CHRD: variants seen among roughly 807,000 people sequenced by gnomAD.
CHRD encodes the protein chordin.
CHRD carries 69 observed loss-of-function variants against 113.7 expected under a neutral mutation model. The ratio of observed to expected loss-of-function variants is 0.61; its 90% confidence interval spans 0.50 to 0.74. The LOEUF (loss-of-function observed/expected upper bound fraction) is 0.74, where lower values mean the gene tolerates loss of function less well. Ranked by LOEUF, CHRD falls within the 30% of genes least tolerant of loss-of-function variation. The pLI is 0.00. For synonymous variants in CHRD, 561 were observed against 540.8 expected, an observed-to-expected ratio of 1.04 and a Z score of -0.52; for missense variants, 1,194 against 1,295.8, an observed-to-expected ratio of 0.92 and a Z score of 1.21.
At chr3:184,390,453 T>G (rs1716985569), downstream of CHRD, 1 of 152,028 alleles carries the variant, frequency 6.6e-6, no homozygotes, top group African/African-American at 2.4e-5. Context: ...TTCTGTTTTT[T>G]TCCTGGAAAC....
exon 23 of CHRD, chr3:184,389,623 A>G (rs952454919): frequency 1.8e-6 from 1 of 567,302 alleles, no homozygotes; most frequent in Non-Finnish European, 3.2e-6. Context: ...GGTCACAGCC[A>G]CTCCAAGTCC....
At chr3:184,385,532 G>A (rs1281866719) in intron 14 of CHRD, among the ~76,000 whole-genome samples, 1 of 151,942 alleles carries the variant, frequency 6.6e-6, no homozygotes, top group Non-Finnish European at 1.5e-5. Context: ...TGGGCGTGGT[G>A]GCACATGCCT....
intron 14 of CHRD, 60 bp downstream of exon 14, chr3:184,385,298 G>A (rs1447500583): frequency 1.6e-6 from 2 of 1,255,862 alleles, no homozygotes; most frequent in Admixed American, 3.4e-5. Context: ...TTGAAGGGCT[G>A]TGTGGGCCTG....
intron 22 of CHRD, 106 bp from the exon 23 acceptor site, chr3:184,389,261 G>T (rs1716847375): frequency 2.0e-6 from 2 of 1,018,652 alleles, no homozygotes; most frequent in Non-Finnish European, 3.0e-6. Flanking sequence ...GAAAATACTG[G>T]CCTTTCTGGG....
intron 22 of CHRD, 67 bp downstream of exon 22, chr3:184,389,062 C>T: frequency 8.7e-7 from 1 of 1,144,674 alleles, no homozygotes; most frequent in Non-Finnish European, 1.3e-6. Context: ...GACTCCTGAT[C>T]AGGGAAGGGA....
exon 16 of CHRD, chr3:184,386,499 T>A (rs1274622968): frequency 6.5e-7 from 1 of 1,539,180 alleles, no homozygotes; most frequent in Non-Finnish European, 8.7e-7. Context: ...CAGGTGCACA[T>A]AGCCAACCAA....
In CHRD at chr3:184,381,293, C is replaced by A; in HGVS notation, c.311C>A (p.Pro104Gln). 6.2e-7 allele frequency: 1 copy of A among 1,612,578 alleles called. No homozygotes were observed. The highest frequency in any genetic ancestry group is 8.5e-7 in the Non-Finnish European group (1 of 1,179,708). The change falls in exon 3 of 23, where the codon CCA becomes CAA. Residue 104 changes from proline (P) to glutamine (Q), a missense_variant. By Grantham distance (76) the Pro-to-Gln change is moderately conservative (BLOSUM62 -1). Transcript: ENST00000204604. This position sits in a 1 kb window ranked among gnomAD's most constrained non-coding sequence, Gnocchi z 4.7. ...AGGGTCAGCTGCAAGAACATCAAAC[C>A]AGAGTGCCCAACCCCGGCCTGTGGG...
At chr3:184,389,184 T>C (rs192466309) in intron 22 of CHRD, among the ~76,000 whole-genome samples, 183 bp from the exon 23 acceptor site, 14 of 152,292 alleles carry the variant, frequency 9.2e-5, no homozygotes, top group South Asian at 2.1e-4. Context: ...ACAAATGAGA[T>C]TTCTGAAGCT....
chr3:184,380,880 G>C lies in CHRD; in HGVS notation c.252+85G>C. On this transcript the variant is annotated intron_variant, in intron 2 of 22. Coordinates refer to ENST00000204604, the Ensembl canonical transcript of CHRD. The surrounding 1 kb of genome is among the most constrained non-coding windows in gnomAD (Gnocchi z 6.3). Reference sequence around the variant, plus strand: ...GCGTCGGAGTGGACTCGGAGCTGCTGAGAAGGAGCCCAGTCGGCAGATGTT... The same window carrying C: ...GCGTCGGAGTGGACTCGGAGCTGCTCAGAAGGAGCCCAGTCGGCAGATGTT... 9.6e-7 allele frequency: 1 copy of C among 1,040,828 alleles called. No individual in the cohort carries two copies. Among genetic ancestry groups the C allele is most frequent in the Non-Finnish European group, 1.4e-6 (1 of 710,976 alleles). 64.5% of individuals were successfully genotyped at this position (1,040,828 alleles called of 1,614,324 possible).
Position 184,381,184 on chromosome 3 carries a change from A to G in CHRD, c.253-51A>G. The G allele has an allele frequency of 6.2e-7, 1 of 1,609,124 alleles. No homozygotes were observed. Among genetic ancestry groups the G allele is most frequent in the South Asian group, 1.1e-5 (1 of 91,030 alleles). On this transcript the variant is annotated intron_variant, in intron 2 of 22. Coordinates refer to ENST00000204604, the Ensembl canonical transcript of CHRD. The surrounding 1 kb of genome is among the most constrained non-coding windows in gnomAD (Gnocchi z 4.7). ...GGACATCCTTGCCTGGGGGGGTCTC[A>G]TCAGTTGGCATCTTGCACTCACTTG...
Position 184,388,241 on chromosome 3 carries a change from A to ATCCATCCATCCATCCATCCATCCG in CHRD, c.2554+231_2554+232insGTCCATCCATCCATCCATCCATCC, listed in dbSNP as rs1716636506. 2.4e-5 allele frequency among the ~76,000 whole-genome samples: 1 copy of ATCCATCCATCCATCCATCCATCCG among 40,894 alleles called. No individual in the cohort carries two copies. Among genetic ancestry groups the ATCCATCCATCCATCCATCCATCCG allele is most frequent in the African/African-American group, 7.1e-5 (1 of 14,046 alleles). The allele number at this position is 40,894 out of a possible 152,430, so 26.8% of individuals were successfully genotyped here. A position where few individuals can be genotyped will look rare whatever the true frequency, so the allele number is the denominator to read the frequency against. ...TGGTTCCTGCTCCATCCATCCGTCC[A>ATCCATCCATCCATCCATCCATCCG]TCCATCCATCCATCCATCCATCCAT... On this transcript the variant is annotated intron_variant, in intron 20 of 22. Coordinates refer to ENST00000204604, the Ensembl canonical transcript of CHRD. This position sits in a 1 kb window ranked among gnomAD's most constrained non-coding sequence, Gnocchi z 6.1.
chr3:184,386,101 G>T lies in CHRD; in HGVS notation c.1874G>T (p.Gly625Val), dbSNP rs759903035. 7 of 1,614,248 alleles carry T rather than the reference G, an allele frequency of 4.3e-6. No individual in the cohort carries two copies. Among genetic ancestry groups the T allele is most frequent in the Non-Finnish European group, 5.9e-6 (7 of 1,180,048 alleles). Residue 625 changes from glycine (G) to valine (V), a missense_variant, in exon 15 of 23, where the codon GGC (glycine) becomes GTC (valine). Gly to Val is a moderately radical substitution (Grantham distance 109, BLOSUM62 -3). Coordinates refer to ENST00000204604, the Ensembl canonical transcript of CHRD. ...GAACTGCTGCGGCACCTGGCAAAAG[G>T]CATGGCCTCCCTGATGATCACCACC...
rs375749111 is a variant in CHRD at position 184,386,806 on chromosome 3, C to T, written c.2197-39C>T. The T allele has an allele frequency of 2.0e-5, 33 of 1,613,754 alleles. No homozygotes were observed. In the Middle Eastern group the frequency reaches 8.2e-4, roughly 40 times the overall value. ...GGGTCCTGGGATCTGGAGCAAGGGG[C>T]CTGGACACTCCCGTCAATGCCTCTG... On this transcript the variant is annotated intron_variant, in intron 16 of 22. Transcript: ENST00000204604.
chr3:184,381,246 T>C lies in CHRD; in HGVS notation c.264T>C (p.Gly88=). 1 of 1,613,130 alleles carries C rather than the reference T, an allele frequency of 6.2e-7. No homozygotes were observed. The highest frequency in any genetic ancestry group is 8.5e-7 in the Non-Finnish European group (1 of 1,179,920). Residue 88 remains glycine, a synonymous_variant, in exon 3 of 23, where the codon GGT becomes GGC. Transcript: ENST00000204604. The surrounding 1 kb of genome is among the most constrained non-coding windows in gnomAD (Gnocchi z 4.7). Reference sequence around the variant, plus strand: ...TTTTCCGGGAGCAGCCTCAGTGGGGTCGCCGTACCAGGGGCCCTGGCAGGG... The same window carrying C: ...TTTTCCGGGAGCAGCCTCAGTGGGGCCGCCGTACCAGGGGCCCTGGCAGGG...
In CHRD at chr3:184,387,960, G is replaced by A; in HGVS notation, c.2481G>A (p.Lys827=). The A allele has an allele frequency of 6.2e-7, 1 of 1,613,540 alleles. No individual in the cohort carries two copies. The highest frequency in any genetic ancestry group is 2.2e-5 in the East Asian group (1 of 44,834). ...GCACTGGAGAGGTGCACTGTGAGAA[G>A]GTGCAGTGTCCCCGGCTGGCCTGTG... Residue 827 remains lysine, a synonymous_variant, in exon 20 of 23, where the codon AAG becomes AAA. Coordinates refer to ENST00000204604, the Ensembl canonical transcript of CHRD. The surrounding 1 kb of genome is among the most constrained non-coding windows in gnomAD (Gnocchi z 6.1).
At position 184,384,797 on chromosome 3, in the gene CHRD, C is replaced by A; in HGVS notation, c.1597+104C>A. The A allele has an allele frequency of 7.0e-7, 1 of 1,418,822 alleles. No homozygotes were observed. Among genetic ancestry groups the A allele is most frequent in the South Asian group, 1.4e-5 (1 of 70,572 alleles). The allele number at this position is 1,418,822 out of a possible 1,614,324, so 87.9% of individuals were successfully genotyped here. A position where few individuals can be genotyped will look rare whatever the true frequency, so the allele number is the denominator to read the frequency against. ...TGTGTCTTTCTTTGTGCCTAAGCTC[C>A]GGTTGCCATCTGAAGGTGGGGACAT... is the stretch of plus-strand genomic sequence containing the variant. On this transcript the variant is annotated intron_variant, in intron 13 of 22. Coordinates refer to ENST00000204604, the Ensembl canonical transcript of CHRD. This position sits in a 1 kb window ranked among gnomAD's most constrained non-coding sequence, Gnocchi z 4.4.
At chr3:184,385,065 A>G (rs1716071351) in exon 14 of CHRD, 1 of 1,613,950 alleles carries the variant, frequency 6.2e-7, no homozygotes, top group Non-Finnish European at 8.5e-7. Context: ...CCCTGTGAAG[A>G]GCCAAGCAGC....
chr3:184,382,254 G>A (rs773284403), intron 6 of CHRD, 135 bp from the exon 7 acceptor site: 12 of 1,416,960 alleles, frequency 8.5e-6, no homozygotes, highest in Admixed American at 1.9e-5. Context: ...TGGCTCCAGC[G>A]TTCTTTCTTA....
chr3:184,382,723 TC>T lies in CHRD; in HGVS notation c.933del (p.Leu312CysfsTer18). 1.2e-6 allele frequency: 2 copies of T among 1,613,894 alleles called. No homozygotes were observed. The highest frequency in any genetic ancestry group is 1.7e-6 in the Non-Finnish European group (2 of 1,179,936). On this transcript the variant is annotated frameshift_variant, in exon 8 of 23. Transcript: ENST00000204604. LOFTEE classifies it high-confidence loss of function. Reference sequence around the variant, plus strand: ...GCTCACTCTCAGTGACACAGAGGACTCCTTGCATTTTTTGCTGCTCTTCCGA... The same window carrying T: ...GCTCACTCTCAGTGACACAGAGGACTCTTGCATTTTTTGCTGCTCTTCCGA...
Sources: gnomAD v4.1 joint callset for allele counts (sites outside exome capture counted in the v4.1 genomes callset) on GRCh38, gnomAD v4.1.1 for gene constraint, Gnocchi (gnomAD v3.1) non-coding constraint, MANE v1.5 for transcripts, NCBI Gene and HGNC (gene_info 2026-07-23, HGNC 2026-07-21) for gene names.